The following ZC3H8 variants were observed in gnomAD, a reference collection of about 807,000 sequenced individuals.
ZC3H8 encodes zinc finger CCCH-type containing 8.
In ZC3H8, 27 loss-of-function variants were observed where a neutral mutation model predicts 42.5. The observed-to-expected ratio is 0.64, with a 90% CI of 0.47 to 0.88. The LOEUF is 0.88. Among genes scored for constraint, ZC3H8 ranks in the 40% least tolerant of loss-of-function variants. ZC3H8 has a pLI of 0.00. For synonymous variants in ZC3H8, 101 were observed against 110.1 expected, an observed-to-expected ratio of 0.92 and a Z score of 0.52; for missense variants, 277 against 336.1, an observed-to-expected ratio of 0.82 and a Z score of 1.37.
intron 2 of ZC3H8, among the ~76,000 whole-genome samples, chr2:112,244,489 G>T (rs1222559605): frequency 2.0e-5 from 3 of 152,172 alleles, no homozygotes; most frequent in Admixed American, 2.0e-4. Context: ...TATATAAGAT[G>T]TGAGATATCT....
intron 4 of ZC3H8, among the ~76,000 whole-genome samples, chr2:112,236,081 T>C (rs919789023): frequency 1.3e-5 from 2 of 151,724 alleles, no homozygotes; most frequent in Non-Finnish European, 2.9e-5. Context: ...CTGGCCAACA[T>C]GGCGAAACCC....
chr2:112,252,550 C>G (rs183870085), intron 1 of ZC3H8, among the ~76,000 whole-genome samples: 1 of 152,294 alleles, frequency 6.6e-6, no homozygotes, highest in East Asian at 1.9e-4. Context: ...TTGTCTCATT[C>G]AGAGTAAAAG....
At chr2:112,236,927 A>C (rs974072182) in intron 3 of ZC3H8, among the ~76,000 whole-genome samples, 5 of 152,092 alleles carry the variant, frequency 3.3e-5, no homozygotes, top group African/African-American at 1.2e-4. Context: ...GTGGTGGTGC[A>C]CGCCTGTAGT....
chr2:112,231,870 G>C lies in ZC3H8; in HGVS notation c.811C>G (p.Leu271Val). The change falls in exon 7 of 9, where the codon CTG (leucine) becomes GTG (valine). Residue 271 changes from leucine (L) to valine (V), a missense_variant. Leu to Val is a conservative substitution (Grantham distance 32). Transcript: ENST00000409573. ...GEYCKFSHAP[L>V]TPETQELLAK... ...AACAATTCTTGTGTTTCAGGAGTCAGTGGAGCATGAGAAAACTTGCAGTAT... is the reference window on the plus strand; with the variant it reads ...AACAATTCTTGTGTTTCAGGAGTCACTGGAGCATGAGAAAACTTGCAGTAT... 1 of 1,594,334 alleles carries C rather than the reference G, an allele frequency of 6.3e-7. No homozygotes were observed.
At chr2:112,232,006 T>G in intron 6 of ZC3H8, 59 bp from the exon 7 acceptor site, 2 of 1,040,172 alleles carry the variant, frequency 1.9e-6, no homozygotes, top group African/African-American at 3.3e-5. Flanking sequence ...TGTTATTAAC[T>G]TAATGACTTT....
intron 8 of ZC3H8, chr2:112,230,679 C>A: frequency 4.7e-6 from 1 of 213,264 alleles, no homozygotes; most frequent in Non-Finnish European, 9.3e-6. Context: ...TACAAAGAAA[C>A]ACAAGAGGAG....
At position 112,230,970 on chromosome 2, in the gene ZC3H8, A is replaced by G; in HGVS notation, c.844-20T>C. 1 of 1,218,000 alleles carries G rather than the reference A, an allele frequency of 8.2e-7. No individual in the cohort carries two copies. Among genetic ancestry groups the G allele is most frequent in the Non-Finnish European group, 1.1e-6 (1 of 924,406 alleles). 75.4% of individuals were successfully genotyped at this position (1,218,000 alleles called of 1,614,324 possible). A position where few individuals can be genotyped will look rare whatever the true frequency, so the allele number is the denominator to read the frequency against. On this transcript the variant is annotated intron_variant, in intron 7 of 8. Coordinates refer to ENST00000409573, the MANE Select transcript of ZC3H8 (RefSeq NM_032494.3). ...CAAAACCTAATATAAAAAAAAAATC[A>G]CATAATCATTTTTATGCATTCATGT...
intron 8 of ZC3H8, among the ~76,000 whole-genome samples, chr2:112,229,797 A>G (rs1315595503): frequency 6.6e-6 from 1 of 152,222 alleles, no homozygotes; most frequent in Admixed American, 6.5e-5. Flanking sequence ...AAACGTATAC[A>G]GCAAAGCTCC....
At chr2:112,237,738 G>C (rs1222723690) in intron 3 of ZC3H8, among the ~76,000 whole-genome samples, 1 of 151,920 alleles carries the variant, frequency 6.6e-6, no homozygotes, top group Non-Finnish European at 1.5e-5. Context: ...ACCATACCCT[G>C]ATACTTTTTT....
intron 3 of ZC3H8, among the ~76,000 whole-genome samples, chr2:112,237,285 A>C (rs1685376801): frequency 6.6e-6 from 1 of 152,240 alleles, no homozygotes; most frequent in Admixed American, 6.5e-5. Context: ...CAGTCTTATA[A>C]GTTCTAAGGC....
intron 1 of ZC3H8, among the ~76,000 whole-genome samples, chr2:112,254,406 G>A (rs1316253588): frequency 6.6e-6 from 1 of 152,224 alleles, no homozygotes; most frequent in Non-Finnish European, 1.5e-5. Context: ...ATGCAAATCA[G>A]TGGACTAATG....
rs1685978757 is a variant in ZC3H8, at chr2:112,252,333, T to C, written c.75-2061A>G. ...ATCCCTACCAAAACCTTAAAGTCAA[T>C]CTTGATTCCTCTCTCACATCCCCAT... On this transcript the variant is annotated intron_variant, in intron 1 of 8. Coordinates refer to ENST00000409573, the MANE Select transcript of ZC3H8 (RefSeq NM_032494.3). Among the ~76,000 whole-genome samples, 7 of 152,150 alleles carry C rather than the reference T, an allele frequency of 4.6e-5. No individual in the cohort carries two copies. In the South Asian group the frequency reaches 1.5e-3, roughly 32 times the overall value.
chr2:112,233,329 T>G lies in ZC3H8; in HGVS notation c.664A>C (p.Lys222Gln). 2 of 1,598,468 alleles carry G rather than the reference T, an allele frequency of 1.3e-6. No individual in the cohort carries two copies. Among genetic ancestry groups the G allele is most frequent in the Non-Finnish European group, 1.7e-6 (2 of 1,171,646 alleles). ...KFDHDAEIEK[K>Q]KEMCKFYVQG... ...ACATAAAACTTACACATTTCCTTTT[T>G]CTTTTCTATCTCTGCATCATGATCA... Residue 222 changes from lysine to glutamine, a missense_variant, in exon 6 of 9, where the codon AAA becomes CAA. By Grantham distance (53) the Lys-to-Gln change is moderately conservative. Coordinates refer to ENST00000409573, the MANE Select transcript of ZC3H8 (RefSeq NM_032494.3).
chr2:112,248,479 T>C (rs1685832698), intron 2 of ZC3H8, among the ~76,000 whole-genome samples: 1 of 152,202 alleles, frequency 6.6e-6, no homozygotes, highest in African/African-American at 2.4e-5. Context: ...CCCATTCTTC[T>C]ATAGTGTGTT....
intron 3 of ZC3H8, among the ~76,000 whole-genome samples, chr2:112,237,697 T>C (rs960501266): frequency 6.6e-6 from 1 of 151,934 alleles, no homozygotes; most frequent in Admixed American, 6.6e-5. Flanking sequence ...TGCCTCAGCC[T>C]CCAGGGTAGC....
intron 8 of ZC3H8, among the ~76,000 whole-genome samples, chr2:112,220,194 TGTTAGCTG>T (rs1182268186): frequency 2.0e-5 from 3 of 152,182 alleles, no homozygotes; most frequent in Non-Finnish European, 4.4e-5. Flanking sequence ...GTCATAACAT[TGTTAGCTG>T]GTTATTATGC....
intron 1 of ZC3H8, chr2:112,254,159 A>G: frequency 1.0e-6 from 1 of 985,140 alleles, no homozygotes; most frequent in Middle Eastern, 5.2e-4. Flanking sequence ...GCTGACCAAT[A>G]TCGAATGGTA....
chr2:112,239,708 C>T (rs1349281624), intron 2 of ZC3H8, among the ~76,000 whole-genome samples: 1 of 151,738 alleles, frequency 6.6e-6, no homozygotes, highest in Non-Finnish European at 1.5e-5. Flanking sequence ...CCTCAGCCTC[C>T]CGAGTAGCTG....
chr2:112,246,863 C>A (rs1685782959), intron 2 of ZC3H8, among the ~76,000 whole-genome samples: 1 of 152,108 alleles, frequency 6.6e-6, no homozygotes, highest in Non-Finnish European at 1.5e-5. Flanking sequence ...TCACATACTA[C>A]AGAGAAATAT....
Sources: gnomAD v4.1 joint callset for allele counts (sites outside exome capture counted in the v4.1 genomes callset) on GRCh38, gnomAD v4.1.1 for gene constraint, MANE v1.5 for transcripts, NCBI Gene and HGNC (gene_info 2026-07-23, HGNC 2026-07-21) for gene names.